MAN1A1: variants seen among roughly 807,000 people sequenced by gnomAD.
MAN1A1 encodes mannosyl-oligosaccharide 1,2-alpha-mannosidase IA.
A neutral mutation model predicts 70.8 loss-of-function variants in MAN1A1; 29 were observed. That is an observed-to-expected ratio of 0.41 (90% CI 0.31 to 0.56). MAN1A1 has a LOEUF of 0.56. Ranked by LOEUF, MAN1A1 falls within the 20% of genes least tolerant of loss-of-function variation. The pLI, the probability that MAN1A1 is intolerant of heterozygous loss-of-function variation, is 0.29. For synonymous variants in MAN1A1, 349 were observed against 330.1 expected, an observed-to-expected ratio of 1.06 and a Z score of -0.62; for missense variants, 747 against 841.3, an observed-to-expected ratio of 0.89 and a Z score of 1.39.
chr6:119,317,203 C>T (rs943772874), intron 2 of MAN1A1, among the ~76,000 whole-genome samples: 2 of 152,000 alleles, frequency 1.3e-5, no homozygotes, highest in Admixed American at 6.6e-5. Flanking sequence ...GCACGAGAAT[C>T]GTACGCTTAT....
At chr6:119,214,898 T>C (rs1774155857) in intron 6 of MAN1A1, among the ~76,000 whole-genome samples, 1 of 151,940 alleles carries the variant, frequency 6.6e-6, no homozygotes, top group Non-Finnish European at 1.5e-5. Flanking sequence ...ACTGTTAACT[T>C]TTGGAAACTG....
At chr6:119,284,023 A>G (rs1411206939) in intron 5 of MAN1A1, among the ~76,000 whole-genome samples, 1 of 152,146 alleles carries the variant, frequency 6.6e-6, no homozygotes, top group Non-Finnish European at 1.5e-5. Flanking sequence ...GACCAACCAG[A>G]ACATCAACTT....
intron 5 of MAN1A1, among the ~76,000 whole-genome samples, chr6:119,289,730 A>G (rs139325506): frequency 3.1e-4 from 47 of 152,140 alleles, no homozygotes; most frequent in African/African-American, 1.0e-3. Flanking sequence ...TGAAGGTTGT[A>G]TGTTTTGGTT....
chr6:119,349,302 A>G lies in MAN1A1; in HGVS notation c.-222-15T>C. ...GGCTGCAGCCCCTGCGGGGAGAGAA[A>G]CAGTAAAACGTAGTAATTACGGCGA... On this transcript the variant is annotated splice_polypyrimidine_tract_variant and intron_variant, in intron 1 of 12. Transcript: ENST00000368468. 1 of 1,197,418 alleles carries G rather than the reference A, an allele frequency of 8.4e-7. No homozygotes were observed. The highest frequency in any genetic ancestry group is 1.0e-6 in the Non-Finnish European group (1 of 966,126). The allele number at this position is 1,197,418 out of a possible 1,614,324, so 74.2% of individuals were successfully genotyped here.
intron 4 of MAN1A1, among the ~76,000 whole-genome samples, chr6:119,298,060 T>C (rs762242978): frequency 7.2e-5 from 11 of 152,184 alleles, no homozygotes; most frequent in Non-Finnish European, 1.6e-4. Flanking sequence ...GGTAAATGCC[T>C]GATCCTTAGA....
chr6:119,215,438 G>A (rs1161258759), intron 6 of MAN1A1, among the ~76,000 whole-genome samples: 1 of 152,144 alleles, frequency 6.6e-6, no homozygotes, highest in Non-Finnish European at 1.5e-5. Context: ...GACTGGTAAT[G>A]TGATAAGAAG....
At chr6:119,241,320 C>T (rs1230436622) in intron 6 of MAN1A1, among the ~76,000 whole-genome samples, 1 of 152,210 alleles carries the variant, frequency 6.6e-6, no homozygotes, top group African/African-American at 2.4e-5. Context: ...ACAGGCCCTA[C>T]TCCTGCTTCC....
intron 2 of MAN1A1, 63 bp downstream of exon 2, chr6:119,348,400 G>A: frequency 1.4e-6 from 2 of 1,441,512 alleles, no homozygotes; most frequent in Non-Finnish European, 1.9e-6. Context: ...AGTTTCAAAG[G>A]CTTGCCGTTT....
At chr6:119,253,711 T>G (rs1225897086) in intron 5 of MAN1A1, among the ~76,000 whole-genome samples, 1 of 152,234 alleles carries the variant, frequency 6.6e-6, no homozygotes, top group Non-Finnish European at 1.5e-5. Context: ...CTAGTTATAA[T>G]GATTTAAAAT....
intron 5 of MAN1A1, among the ~76,000 whole-genome samples, chr6:119,262,986 T>C (rs1165478227): frequency 6.6e-6 from 1 of 152,154 alleles, no homozygotes; most frequent in Non-Finnish European, 1.5e-5. Context: ...CCAGTGAATA[T>C]AAAGTAGGCA....
chr6:119,195,925 C>T (rs575353313), intron 8 of MAN1A1, among the ~76,000 whole-genome samples: 1 of 152,174 alleles, frequency 6.6e-6, no homozygotes, highest in Non-Finnish European at 1.5e-5. Flanking sequence ...CTGACATTTA[C>T]AAACTAAATA....
intron 6 of MAN1A1, chr6:119,210,795 T>C: frequency 3.3e-6 from 1 of 306,494 alleles, no homozygotes; most frequent in Non-Finnish European, 6.7e-6. Flanking sequence ...AAACTGATAA[T>C]GAGGAAGGAC....
intron 2 of MAN1A1, among the ~76,000 whole-genome samples, chr6:119,337,784 C>T (rs1181666377): frequency 6.6e-6 from 1 of 152,164 alleles, no homozygotes; most frequent in Non-Finnish European, 1.5e-5. Flanking sequence ...CTGAGTTCTT[C>T]ATTACACATT....
At chr6:119,252,249 A>G (rs1196497652) in intron 5 of MAN1A1, among the ~76,000 whole-genome samples, 3 of 152,210 alleles carry the variant, frequency 2.0e-5, no homozygotes, top group African/African-American at 7.2e-5. Flanking sequence ...ATACTGGAAT[A>G]CATTCTTAAA....
chr6:119,260,621 A>C (rs1434482500), intron 5 of MAN1A1, among the ~76,000 whole-genome samples: 1 of 152,202 alleles, frequency 6.6e-6, no homozygotes, highest in Non-Finnish European at 1.5e-5. Flanking sequence ...GAATTTTGCT[A>C]ATTTACTTGA....
chr6:119,270,253 A>AT (rs139823071), intron 5 of MAN1A1, among the ~76,000 whole-genome samples: 6,282 of 152,300 alleles, frequency 0.041, 146 homozygotes, highest in African/African-American at 0.054. Flanking sequence ...TACTGGTTTC[A>AT]TACTGTTTCT....
chr6:119,181,310 T>A (rs1773148811), intron 11 of MAN1A1, among the ~76,000 whole-genome samples: 1 of 152,174 alleles, frequency 6.6e-6, no homozygotes, highest in African/African-American at 2.4e-5. Flanking sequence ...TGGAACAAAA[T>A]CAGCTGCTTC....
chr6:119,201,117 C>T, intron 8 of MAN1A1, 137 bp downstream of exon 8: 1 of 644,398 alleles, frequency 1.6e-6, no homozygotes, highest in African/African-American at 1.8e-5. Context: ...TGACAGAAGC[C>T]TGTTTATTAA....
chr6:119,190,606 C>T lies in MAN1A1; in HGVS notation c.1327-723G>A, dbSNP rs753921500. The stretch of plus-strand genomic sequence containing the variant: ...ATCATTTACATCTCCAAAGTGGTGA[C>T]GCTTGAATCAAGTTCCTCTCTAATA... On this transcript the variant is annotated intron_variant, in intron 9 of 12. Coordinates refer to ENST00000368468, the MANE Select transcript of MAN1A1 (RefSeq NM_005907.4). 5.9e-5 allele frequency among the ~76,000 whole-genome samples: 9 copies of T among 152,206 alleles called. No homozygotes were observed. In the South Asian group the frequency reaches 6.2e-4, roughly 11 times the overall value.
Sources: gnomAD v4.1 joint callset for allele counts (sites outside exome capture counted in the v4.1 genomes callset) on GRCh38, gnomAD v4.1.1 for gene constraint, MANE v1.5 for transcripts, NCBI Gene and HGNC (gene_info 2026-07-23, HGNC 2026-07-21) for gene names.